Variants in NAP1L4 observed in about 807,000 individuals in gnomAD.
The protein encoded by NAP1L4 is nucleosome assembly protein 1-like 4.
A neutral mutation model predicts 58.2 loss-of-function variants in NAP1L4; 15 were observed. The ratio of observed to expected loss-of-function variants is 0.26; its 90% CI spans 0.17 to 0.40. The LOEUF is 0.40. Among genes scored for constraint, NAP1L4 ranks in the 10% least tolerant of loss-of-function variants. The pLI is 1.00. For missense variants in NAP1L4, 384 were observed against 451.1 expected (o/e 0.85, Z 1.35); for synonymous variants, 171 against 155.6 (o/e 1.10, Z -0.74).
intron 3 of NAP1L4, among the ~76,000 whole-genome samples, chr11:2,977,644 G>C (rs555506256): frequency 6.6e-6 from 1 of 152,154 alleles, no homozygotes; most frequent in African/African-American, 2.4e-5. Context: ...CTGTCTATTA[G>C]AGAATGGTAT....
chr11:2,990,892 A>G (rs560279737), intron 1 of NAP1L4: 20 of 333,894 alleles, frequency 6.0e-5, no homozygotes, highest in South Asian at 4.3e-4. Flanking sequence ...GGAAGGTAGT[A>G]ACTTAGAAAG....
At chr11:2,980,981 C>A (rs1428029921) in intron 1 of NAP1L4, among the ~76,000 whole-genome samples, 1 of 151,708 alleles carries the variant, frequency 6.6e-6, no homozygotes, top group Non-Finnish European at 1.5e-5. Context: ...ATAATCCCAG[C>A]ACTTTGGGAG....
rs191438299 is a variant in NAP1L4, at chr11:2,959,393, T to C, written c.746+377A>G. On this transcript the variant is annotated intron_variant, in intron 9 of 15. Transcript: ENST00000380542. This position sits in a 1 kb window ranked among gnomAD's most constrained non-coding sequence, Gnocchi z 4.9. ...TTCCAAAGCAATCAGCTGATCAATA[T>C]AGCCCTGGACTCAGACTCATTCATT... Among the ~76,000 whole-genome samples, 279 of 152,344 alleles carry C rather than the reference T, an allele frequency of 1.8e-3. 1 individual carries two copies. Among genetic ancestry groups the C allele is most frequent in the South Asian group, 0.013 (63 of 4,834 alleles).
intron 2 of NAP1L4, 72 bp downstream of exon 2, chr11:2,979,135 T>C (rs867777174): frequency 4.1e-6 from 6 of 1,446,794 alleles, no homozygotes; most frequent in African/African-American, 1.4e-5. Context: ...TAATTATTTA[T>C]TGAAAAATGG....
chr11:2,987,165 C>T (rs777651927), intron 1 of NAP1L4, among the ~76,000 whole-genome samples: 44 of 152,092 alleles, frequency 2.9e-4, no homozygotes, highest in Admixed American at 5.2e-4. Flanking sequence ...GGTGATTATA[C>T]GAAGCCCTGA....
intron 4 of NAP1L4, among the ~76,000 whole-genome samples, chr11:2,973,779 CATTT>C (rs762655703): frequency 6.6e-6 from 1 of 152,120 alleles, no homozygotes; most frequent in Non-Finnish European, 1.5e-5. Flanking sequence ...TTCATTCATT[CATTT>C]ATTGTGACAG....
chr11:2,987,277 T>C lies in NAP1L4; in HGVS notation c.-18+4977A>G, dbSNP rs562478029. 4.2e-4 allele frequency among the ~76,000 whole-genome samples: 64 copies of C among 152,104 alleles called. 1 individual carries two copies. Among genetic ancestry groups the C allele is most frequent in the Non-Finnish European group, 7.4e-4 (50 of 67,994 alleles). ...AGAAGTTAATCATGTTGTTAAACTT[T>C]CCATGATAATGTTCTGGGTTTTTTG... On this transcript the variant is annotated intron_variant, in intron 1 of 15. Coordinates refer to ENST00000380542, the MANE Select transcript of NAP1L4 (RefSeq NM_005969.4).
At chr11:2,983,520 C>A (rs1262693198) in intron 1 of NAP1L4, among the ~76,000 whole-genome samples, 1 of 150,874 alleles carries the variant, frequency 6.6e-6, no homozygotes, top group Non-Finnish European at 1.5e-5. Context: ...CCCAGCCCGG[C>A]ATGTGCTGTT....
At chr11:2,963,147 G>A in intron 8 of NAP1L4, among the ~76,000 whole-genome samples, 1 of 137,704 alleles carries the variant, frequency 7.3e-6, no homozygotes, top group South Asian at 2.5e-4. Flanking sequence ...AAAAGAAAAG[G>A]AGAAAAAAGA....
chr11:2,966,872 C>A (rs139446362), intron 7 of NAP1L4, among the ~76,000 whole-genome samples: 286 of 152,320 alleles, frequency 1.9e-3, no homozygotes, highest in African/African-American at 6.8e-3. Flanking sequence ...CTAATTTCCT[C>A]AAGCAGCCAT....
Position 2,954,639 on chromosome 11 carries a change from T to A in NAP1L4, c.923A>T (p.Asp308Val), listed in dbSNP as rs758057182. 1 of 1,614,206 alleles carries A rather than the reference T, an allele frequency of 6.2e-7. No individual in the cohort carries two copies. The highest frequency in any genetic ancestry group is 1.1e-5 in the South Asian group (1 of 91,086). The change falls in exon 12 of 16, where the codon GAT (aspartate) becomes GTT (valine). Residue 308 changes from aspartate (D) to valine (V), a missense_variant. This residue lies in a region of NAP1L4 where 296 missense variants were observed against 360.8 expected (regional missense o/e 0.82). Transcript: ENST00000380542. The surrounding 1 kb of genome is among the most constrained non-coding windows in gnomAD (Gnocchi z 4.8). ...ASGDGESLDEDSEFTLASDFE... is the reference protein window; with the variant it reads ...ASGDGESLDEVSEFTLASDFE... ...ATCAGAGGCTAATGTGAATTCAGAATCTTCATCCTGAGGAGGAAAAACCTA... is the reference window on the plus strand; with the variant it reads ...ATCAGAGGCTAATGTGAATTCAGAAACTTCATCCTGAGGAGGAAAAACCTA...
rs532429801 is a variant in NAP1L4, at chr11:2,946,212, C to A, written c.*33-566G>T. ...CTTCTGGTGGCCTGTACTGCACCAA[C>A]AAATGATGAGCTGCCACTCCCAAGA... On this transcript the variant is annotated intron_variant, in intron 15 of 15. Transcript: ENST00000380542. This position sits in a 1 kb window ranked among gnomAD's most constrained non-coding sequence, Gnocchi z 4.8. Among the ~76,000 whole-genome samples the A allele has an allele frequency of 2.9e-4, 44 of 152,322 alleles. No individual in the cohort carries two copies. The highest frequency in any genetic ancestry group is 1.0e-3 in the African/African-American group (42 of 41,574).
At chr11:2,989,089 A>G (rs1333464145) in intron 1 of NAP1L4, 2 of 152,156 alleles carry the variant, frequency 1.3e-5, no homozygotes, top group East Asian at 3.8e-4. Flanking sequence ...TCAAAGACAA[A>G]CCTTACAACT....
At position 2,955,298 on chromosome 11, in the gene NAP1L4, G is replaced by A. The variant is rs1361951417; in HGVS notation, c.915+446C>T. Among the ~76,000 whole-genome samples, 1 of 152,026 alleles carries A rather than the reference G, an allele frequency of 6.6e-6. No individual in the cohort carries two copies. The highest frequency in any genetic ancestry group is 2.4e-5 in the African/African-American group (1 of 41,372). ...TGCAACCTCCTCCTCTCGGGTTCAA[G>A]TGATTCTCCTGCTTGAGCCTCCTGA... On this transcript the variant is annotated intron_variant, in intron 11 of 15. Transcript: ENST00000380542. The surrounding 1 kb of genome is among the most constrained non-coding windows in gnomAD (Gnocchi z 4.2).
At position 2,971,483 on chromosome 11, in the gene NAP1L4, A is replaced by G; in HGVS notation, c.367T>C (p.Trp123Arg). 1.2e-6 allele frequency: 2 copies of G among 1,613,936 alleles called. No individual in the cohort carries two copies. The highest frequency in any genetic ancestry group is 1.7e-6 in the Non-Finnish European group (2 of 1,180,028). Residue 123 changes from tryptophan to arginine, a missense_variant, in exon 6 of 16, where the codon TGG becomes CGG. Physicochemically the swap from Trp to Arg is moderately radical, Grantham distance 101 (BLOSUM62 -3). Around this residue, in one of 3 missense-constraint regions of NAP1L4, gnomAD observed 296 missense variants for 360.8 expected, o/e 0.82. Transcript: ENST00000380542. The surrounding 1 kb of genome is among the most constrained non-coding windows in gnomAD (Gnocchi z 4.2). ...DVEPTDAESE[W>R]HSENEEEEKL... ...TCTTCCTCTTCATTTTCACTGTGCCATTCCGATTCCGCATCTGTTGGTTCA... is the reference window on the plus strand; with the variant it reads ...TCTTCCTCTTCATTTTCACTGTGCCGTTCCGATTCCGCATCTGTTGGTTCA...
intron 8 of NAP1L4, among the ~76,000 whole-genome samples, chr11:2,960,539 G>A (rs1221767577): frequency 6.6e-6 from 1 of 152,152 alleles, no homozygotes; most frequent in Non-Finnish European, 1.5e-5. Flanking sequence ...CAGCAACAAG[G>A]CATTCATGCT....
chr11:2,968,988 G>GTTTTTTTTTTTTTTTTTT (rs61176259), intron 7 of NAP1L4, among the ~76,000 whole-genome samples: 2 of 113,582 alleles, frequency 1.8e-5, no homozygotes, highest in Non-Finnish European at 3.7e-5. Flanking sequence ...TTGTTGTGTT[G>GTTTTTTTTTTTTTTTTTT]TTTTTTTTTT....
At chr11:2,964,542 G>A in intron 8 of NAP1L4, 138 bp downstream of exon 8, 2 of 653,410 alleles carry the variant, frequency 3.1e-6, no homozygotes. Context: ...CTCTTGGAGA[G>A]CAGTCTCGCC....
At position 2,958,871 on chromosome 11, in the gene NAP1L4, C is replaced by A; in HGVS notation, c.747-327G>T. The A allele has an allele frequency of 1.5e-5, 4 of 269,352 alleles. No homozygotes were observed. In the East Asian group the frequency reaches 3.3e-4, roughly 23 times the overall value. The allele number at this position is 269,352 out of a possible 1,614,324, so 16.7% of individuals were successfully genotyped here. ...TCTGCATGATGCACAAGAACTTGTC[C>A]GCGGTTTCCCAAGGAAGGAGGAGTT... On this transcript the variant is annotated intron_variant, in intron 9 of 15. Coordinates refer to ENST00000380542, the MANE Select transcript of NAP1L4 (RefSeq NM_005969.4).
Sources: gnomAD v4.1 joint callset for allele counts (sites outside exome capture counted in the v4.1 genomes callset) on GRCh38, gnomAD v4.1.1 for gene constraint, gnomAD v4.1.1 regional missense constraint, Gnocchi (gnomAD v3.1) non-coding constraint, MANE v1.5 for transcripts, NCBI Gene and HGNC (gene_info 2026-07-23, HGNC 2026-07-21) for gene names.